PIR: variants seen among roughly 807,000 people sequenced by gnomAD.
PIR encodes pirin (iron-binding nuclear protein).
PIR carries 22 observed loss-of-function variants against 24.2 expected under a neutral mutation model. The ratio of observed to expected loss-of-function variants is 0.91; its 90% CI spans 0.65 to 1.30. The LOEUF (loss-of-function observed/expected upper bound fraction) is 1.30, where lower values mean the gene tolerates loss of function less well. Ranked by LOEUF, PIR falls within the 50% of genes most tolerant of loss-of-function variation. The pLI is 0.00. For missense variants in PIR, 220 were observed against 220.3 expected (o/e 1.00, Z 0.01); for synonymous variants, 80 against 79.6 (o/e 1.00, Z -0.03).
intron 6 of PIR, among the ~76,000 whole-genome samples, chrX:15,410,565 A>C (rs1407707024): frequency 8.9e-6 from 1 of 111,899 alleles, no homozygotes; most frequent in Non-Finnish European, 1.9e-5. Flanking sequence ...TTCACCCTTC[A>C]AGCAGAAATC....
rs1429387114 is a variant in PIR, at chrX:15,425,926, TGTTTG to T, written c.540_544del (p.Lys181PhefsTer6). On this transcript the variant is annotated frameshift_variant, in exon 6 of 10. Coordinates refer to ENST00000380420, the MANE Select transcript of PIR (RefSeq NM_001018109.3). LOFTEE classifies it high-confidence loss of function. The stretch of plus-strand genomic sequence containing the variant: ...CATACCTTTAGGGATAGGTTGGGAA[TGTTTG>T]GCTCCTGGGTCCAATTTGAAGTCCA... 1 of 1,179,349 alleles carries T rather than the reference TGTTTG, an allele frequency of 8.5e-7. No individual in the cohort carries two copies. The highest frequency in any genetic ancestry group is 1.2e-6 in the Non-Finnish European group (1 of 867,776).
chrX:15,436,832 T>C (rs886364084), intron 5 of PIR, among the ~76,000 whole-genome samples: 1 of 112,554 alleles, frequency 8.9e-6, no homozygotes, highest in Non-Finnish European at 1.9e-5. Context: ...TATAGATATG[T>C]TTCTTCAATT....
At chrX:15,449,377 A>G (rs1926212143) in intron 5 of PIR, among the ~76,000 whole-genome samples, 1 of 111,912 alleles carries the variant, frequency 8.9e-6, no homozygotes, top group African/African-American at 3.3e-5. Context: ...CAGTTATAGA[A>G]TGTCTTAAAA....
chrX:15,472,066 G>A (rs1921952347), intron 3 of PIR, among the ~76,000 whole-genome samples: 1 of 111,655 alleles, frequency 9.0e-6, no homozygotes, highest in African/African-American at 3.3e-5. Flanking sequence ...TCTGGAGAGG[G>A]CAAACCCAAG....
At chrX:15,385,479 C>T (rs1923713301) in intron 9 of PIR, among the ~76,000 whole-genome samples, 1 of 111,873 alleles carries the variant, frequency 8.9e-6, no homozygotes. Flanking sequence ...AAGAATTGAA[C>T]CCATCTGATA....
At chrX:15,448,612 G>A (rs905321716) in intron 5 of PIR, among the ~76,000 whole-genome samples, 2 of 111,824 alleles carry the variant, frequency 1.8e-5, no homozygotes, top group African/African-American at 6.5e-5. Flanking sequence ...GACAAACTTG[G>A]GTTTTTCTCC....
At chrX:15,439,331 T>G (rs1925843230) in intron 5 of PIR, among the ~76,000 whole-genome samples, 2 of 112,619 alleles carry the variant, frequency 1.8e-5, no homozygotes, top group Admixed American at 9.4e-5. Context: ...AACTATCTCA[T>G]TACAATTTTA....
At chrX:15,456,765 A>G (rs993250722) in intron 4 of PIR, among the ~76,000 whole-genome samples, 2 of 112,467 alleles carry the variant, frequency 1.8e-5, no homozygotes, top group Admixed American at 9.4e-5. Flanking sequence ...GTTAACTTGT[A>G]TCTGTACTTG....
intron 6 of PIR, among the ~76,000 whole-genome samples, chrX:15,423,454 A>G (rs979687084): frequency 1.8e-5 from 2 of 111,146 alleles, no homozygotes; most frequent in Admixed American, 9.5e-5. Context: ...CATCTCTACT[A>G]AAAATACAAA....
chrX:15,414,532 C>A (rs1924849630), intron 6 of PIR, among the ~76,000 whole-genome samples: 1 of 111,754 alleles, frequency 8.9e-6, no homozygotes, highest in Non-Finnish European at 1.9e-5. Context: ...TAGATTGAAG[C>A]CACGTTTATA....
Position 15,442,960 on chromosome X carries a change from T to C in PIR, c.480+12888A>G, listed in dbSNP as rs185003586. 1.1e-4 allele frequency among the ~76,000 whole-genome samples: 12 copies of C among 112,746 alleles called. No individual in the cohort carries two copies. In the East Asian group the frequency reaches 3.4e-3, roughly 32 times the overall value. ...AGCTAAGATCACTGATGAAGGTGGC[T>C]ACACTAAACAACAGATTTTCAATGT... On this transcript the variant is annotated intron_variant, in intron 5 of 9. Transcript: ENST00000380420.
intron 6 of PIR, among the ~76,000 whole-genome samples, chrX:15,408,103 C>T (rs1349454179): frequency 4.5e-5 from 5 of 111,645 alleles, no homozygotes; most frequent in Non-Finnish European, 9.4e-5. Flanking sequence ...CACGCCACCA[C>T]ATCTGGCTAA....
intron 6 of PIR, among the ~76,000 whole-genome samples, chrX:15,417,846 T>C (rs1441463415): frequency 9.0e-6 from 1 of 111,486 alleles, no homozygotes; most frequent in Non-Finnish European, 1.9e-5. Context: ...GTTTCTCTTA[T>C]TTAGATTCTC....
chrX:15,428,317 C>T (rs1178275507), intron 5 of PIR, among the ~76,000 whole-genome samples: 5 of 111,760 alleles, frequency 4.5e-5, no homozygotes, highest in Non-Finnish European at 9.4e-5. Context: ...TGGAAAGGGG[C>T]TGGTTTTGTC....
intron 9 of PIR, among the ~76,000 whole-genome samples, chrX:15,389,125 CA>C (rs764651510): frequency 6.3e-5 from 7 of 111,842 alleles, no homozygotes; most frequent in Non-Finnish European, 1.1e-4. Context: ...TTCCATCTCA[CA>C]CATGTTTTTC....
At chrX:15,478,852 G>A (rs936594527) in intron 3 of PIR, among the ~76,000 whole-genome samples, 2 of 111,447 alleles carry the variant, frequency 1.8e-5, no homozygotes, top group Non-Finnish European at 3.8e-5. Flanking sequence ...ACCAACGCCT[G>A]CATATCGCCA....
At chrX:15,417,334 C>A (rs1924959108) in intron 6 of PIR, among the ~76,000 whole-genome samples, 1 of 112,379 alleles carries the variant, frequency 8.9e-6, no homozygotes, top group African/African-American at 3.2e-5. Context: ...TTCTAAGGCA[C>A]AAAGTTTTGG....
chrX:15,439,455 G>A (rs1229045002), intron 5 of PIR, among the ~76,000 whole-genome samples: 1 of 112,049 alleles, frequency 8.9e-6, no homozygotes, highest in Non-Finnish European at 1.9e-5. Flanking sequence ...GAAATTTGAA[G>A]TTACATGTTG....
At chrX:15,472,345 T>C (rs1014893384) in intron 3 of PIR, among the ~76,000 whole-genome samples, 1 of 112,064 alleles carries the variant, frequency 8.9e-6, no homozygotes, top group African/African-American at 3.3e-5. Flanking sequence ...ACAAGTTTCT[T>C]GGGGATCCTT....
Sources: allele counts gnomAD v4.1 joint callset (sites outside exome capture counted in the v4.1 genomes callset), GRCh38; gene constraint gnomAD v4.1.1; transcripts MANE v1.5; gene names NCBI Gene and HGNC (gene_info 2026-07-23, HGNC 2026-07-21).